Variants in SLC9A9 observed in about 807,000 individuals in gnomAD.
SLC9A9 encodes solute carrier family 9 member A9.
Under a neutral mutation model 77.8 loss-of-function variants are expected in SLC9A9, and 62 were observed. That is an observed-to-expected ratio of 0.80 (90% CI 0.65 to 0.98). SLC9A9 has a LOEUF of 0.98. Among genes scored for constraint, SLC9A9 ranks in the 50% least tolerant of loss-of-function variants. SLC9A9 has a pLI of 0.00. For synonymous variants in SLC9A9, 320 were observed against 283.5 expected, an observed-to-expected ratio of 1.13 and a Z score of -1.29; for missense variants, 775 against 774.9, an observed-to-expected ratio of 1.00 and a Z score of 0.00.
At chr3:143,476,445 G>T (rs2035478522) in intron 11 of SLC9A9, among the ~76,000 whole-genome samples, 1 of 152,188 alleles carries the variant, frequency 6.6e-6, no homozygotes, top group Non-Finnish European at 1.5e-5. Context: ...TAGCCAGAAA[G>T]GGTAATTGTA....
At chr3:143,514,832 C>G (rs2036177715) in intron 9 of SLC9A9, among the ~76,000 whole-genome samples, 2 of 152,208 alleles carry the variant, frequency 1.3e-5, no homozygotes, top group Non-Finnish European at 2.9e-5. Context: ...TTCTCTATAT[C>G]AGCAGTAAGA....
intron 4 of SLC9A9, among the ~76,000 whole-genome samples, chr3:143,696,822 G>A (rs1040637439): frequency 6.6e-6 from 1 of 152,072 alleles, no homozygotes; most frequent in African/African-American, 2.4e-5. Flanking sequence ...ACCAAGGTAT[G>A]GCAGGGTTAC....
chr3:143,743,948 C>T (rs751578278), intron 4 of SLC9A9, among the ~76,000 whole-genome samples: 15 of 152,270 alleles, frequency 9.9e-5, no homozygotes, highest in Admixed American at 2.6e-4. Context: ...TTAATAACTC[C>T]TGACACTTTT....
At chr3:143,699,750 G>C (rs13065786) in intron 4 of SLC9A9, among the ~76,000 whole-genome samples, 1,860 of 152,202 alleles carry the variant, frequency 0.012, 31 homozygotes, top group Non-Finnish European at 0.014. Context: ...AGGCAGTCTA[G>C]GGTACAAGGA....
chr3:143,728,730 G>A (rs553377025), intron 4 of SLC9A9, among the ~76,000 whole-genome samples: 6 of 152,140 alleles, frequency 3.9e-5, no homozygotes, highest in South Asian at 2.1e-4. Flanking sequence ...CAGTGAGGAC[G>A]TTAAGGGGAA....
chr3:143,822,905 C>T (rs1334300081), intron 2 of SLC9A9, among the ~76,000 whole-genome samples: 1 of 152,288 alleles, frequency 6.6e-6, no homozygotes, highest in Admixed American at 6.5e-5. Flanking sequence ...CCTTCCATCC[C>T]TACGCAATTA....
chr3:143,725,289 G>C (rs932699137), intron 4 of SLC9A9, among the ~76,000 whole-genome samples: 2 of 152,052 alleles, frequency 1.3e-5, no homozygotes, highest in East Asian at 3.9e-4. Flanking sequence ...CTGTTGGTGG[G>C]ACTGTTAACT....
chr3:143,296,106 T>C (rs559987020), intron 14 of SLC9A9, among the ~76,000 whole-genome samples: 2 of 152,204 alleles, frequency 1.3e-5, no homozygotes, highest in Non-Finnish European at 2.9e-5. Flanking sequence ...TCACAAATCT[T>C]AAGTGCATAA....
intron 13 of SLC9A9, among the ~76,000 whole-genome samples, chr3:143,364,246 G>A (rs1475306458): frequency 1.3e-5 from 2 of 151,894 alleles, no homozygotes; most frequent in Non-Finnish European, 2.9e-5. Context: ...AGGAAAGAAA[G>A]TGAATTTTTT....
At chr3:143,712,968 A>G (rs995470968) in intron 4 of SLC9A9, among the ~76,000 whole-genome samples, 5 of 152,096 alleles carry the variant, frequency 3.3e-5, no homozygotes, top group African/African-American at 1.2e-4. Flanking sequence ...ACTTCTCCCA[A>G]CACCATCCAC....
chr3:143,625,928 A>T (rs9757850), intron 6 of SLC9A9, among the ~76,000 whole-genome samples: 2,649 of 152,332 alleles, frequency 0.017, 89 homozygotes, highest in African/African-American at 0.06. Flanking sequence ...AGAAAAAAAC[A>T]ACCAACCCCA....
chr3:143,602,360 C>T (rs534003737), intron 6 of SLC9A9, among the ~76,000 whole-genome samples: 24 of 152,300 alleles, frequency 1.6e-4, no homozygotes, highest in Non-Finnish European at 2.8e-4. Flanking sequence ...TTCAAGATCT[C>T]AACGTGAGAT....
rs2034503727 is a variant in SLC9A9, at chr3:143,431,025, A to T, written c.1469+36012T>A. On this transcript the variant is annotated intron_variant, in intron 12 of 15. Transcript: ENST00000316549. ...CCACTAGTTTTGGACTGCTTCCTCT[A>T]GGTTTCCTAATACATGAGAAAAATA... 2.6e-5 allele frequency among the ~76,000 whole-genome samples: 4 copies of T among 152,294 alleles called. No individual in the cohort carries two copies. In the South Asian group the frequency reaches 8.3e-4, roughly 32 times the overall value.
At chr3:143,625,061 T>A in intron 6 of SLC9A9, among the ~76,000 whole-genome samples, 1 of 152,164 alleles carries the variant, frequency 6.6e-6, no homozygotes, top group Non-Finnish European at 1.5e-5. Context: ...TTACAAGGGA[T>A]GTGAAGGACC....
intron 4 of SLC9A9, among the ~76,000 whole-genome samples, chr3:143,723,208 G>A (rs1934548275): frequency 6.6e-6 from 1 of 151,978 alleles, no homozygotes; most frequent in Non-Finnish European, 1.5e-5. Context: ...GTATGTGATT[G>A]ATGGAACAAA....
At chr3:143,656,148 A>C (rs944887469) in intron 5 of SLC9A9, among the ~76,000 whole-genome samples, 3 of 152,214 alleles carry the variant, frequency 2.0e-5, no homozygotes, top group Non-Finnish European at 4.4e-5. Context: ...AGGAAGGTTG[A>C]AAATGTGCAG....
At chr3:143,448,540 A>T (rs555561564) in intron 12 of SLC9A9, among the ~76,000 whole-genome samples, 2 of 152,166 alleles carry the variant, frequency 1.3e-5, no homozygotes, top group South Asian at 4.1e-4. Flanking sequence ...ATGGAGTAAT[A>T]AGAAAACAAC....
chr3:143,395,868 T>C (rs1393305145), intron 12 of SLC9A9, among the ~76,000 whole-genome samples: 4 of 152,168 alleles, frequency 2.6e-5, no homozygotes, highest in Non-Finnish European at 5.9e-5. Context: ...TCACTGGCCA[T>C]CAGAGAAATG....
intron 6 of SLC9A9, among the ~76,000 whole-genome samples, chr3:143,627,984 A>T (rs1406635467): frequency 6.6e-6 from 1 of 152,254 alleles, no homozygotes; most frequent in Non-Finnish European, 1.5e-5. Context: ...AGGGCAGCCC[A>T]TTATTTACTT....
Sources: allele counts gnomAD v4.1 joint callset (sites outside exome capture counted in the v4.1 genomes callset), GRCh38; gene constraint gnomAD v4.1.1; transcripts MANE v1.5; gene names NCBI Gene and HGNC (gene_info 2026-07-23, HGNC 2026-07-21).